Variants in TCF12 observed in about 807,000 individuals in gnomAD.
TCF12 encodes the protein DNA-binding protein HTF4.
TCF12 carries 45 observed loss-of-function variants against 86.0 expected under a neutral mutation model. That is an observed-to-expected ratio of 0.52 (90% CI 0.41 to 0.67). The LOEUF (loss-of-function observed/expected upper bound fraction) is 0.67, where lower values mean the gene tolerates loss of function less well. Among genes scored for constraint, TCF12 ranks in the 30% least tolerant of loss-of-function variants. TCF12 has a pLI of 0.00. For missense variants in TCF12, 881 were observed against 859.9 expected (o/e 1.02, Z -0.31); for synonymous variants, 330 against 299.6 (o/e 1.10, Z -1.05).
chr15:57,098,142 G>A (rs2733337), intron 5 of TCF12, among the ~76,000 whole-genome samples: 8,978 of 151,168 alleles, frequency 0.059, 609 homozygotes, highest in African/African-American at 0.17. Flanking sequence ...CCCAGATTGC[G>A]CCACTGCACT....
At chr15:57,254,980 G>T (rs2060284000) in intron 16 of TCF12, among the ~76,000 whole-genome samples, 1 of 151,998 alleles carries the variant, frequency 6.6e-6, no homozygotes, top group Non-Finnish European at 1.5e-5. Context: ...AAATGTGAAT[G>T]CAGAATAACT....
intron 3 of TCF12, among the ~76,000 whole-genome samples, chr15:56,965,875 A>T (rs1226055514): frequency 6.6e-6 from 1 of 152,208 alleles, no homozygotes; most frequent in Non-Finnish European, 1.5e-5. Flanking sequence ...TGATAGCATA[A>T]GTTATATTTA....
chr15:56,984,014 A>AAAAG (rs777234282), intron 3 of TCF12, among the ~76,000 whole-genome samples: 3 of 104,446 alleles, frequency 2.9e-5, no homozygotes, highest in East Asian at 3.4e-4. Context: ...AAAAAAAAAA[A>AAAAG]AAGAAGAAGA....
chr15:56,979,675 A>G (rs1463366964), intron 3 of TCF12, among the ~76,000 whole-genome samples: 1 of 152,172 alleles, frequency 6.6e-6, no homozygotes, highest in Non-Finnish European at 1.5e-5. Flanking sequence ...GATTTTTAGT[A>G]TTGCTTTCCT....
At chr15:57,026,511 T>G (rs2065833647) in intron 3 of TCF12, among the ~76,000 whole-genome samples, 1 of 152,192 alleles carries the variant, frequency 6.6e-6, no homozygotes, top group Non-Finnish European at 1.5e-5. Flanking sequence ...CTCCACAAAT[T>G]GTCTGTGCTT....
At chr15:57,171,741 A>G (rs866177502) in intron 6 of TCF12, among the ~76,000 whole-genome samples, 2 of 152,222 alleles carry the variant, frequency 1.3e-5, no homozygotes, top group Non-Finnish European at 2.9e-5. Flanking sequence ...ATTACTGGAA[A>G]CACTGATAGA....
At chr15:57,201,824 CT>C (rs1284658254) in intron 8 of TCF12, among the ~76,000 whole-genome samples, 1 of 152,040 alleles carries the variant, frequency 6.6e-6, no homozygotes, top group Non-Finnish European at 1.5e-5. Flanking sequence ...CAACTCTTGT[CT>C]TTGTTCTTTG....
intron 3 of TCF12, among the ~76,000 whole-genome samples, chr15:57,038,286 G>T (rs2066644000): frequency 6.6e-6 from 1 of 151,984 alleles, no homozygotes; most frequent in Non-Finnish European, 1.5e-5. Context: ...AAAATTGCTG[G>T]ACATGAGGGT....
intron 3 of TCF12, among the ~76,000 whole-genome samples, chr15:57,025,439 T>C (rs2065769951): frequency 6.6e-6 from 1 of 152,074 alleles, no homozygotes; most frequent in Non-Finnish European, 1.5e-5. Context: ...CCTGCTTGCG[T>C]TTTCACATTT....
chr15:56,946,036 T>G (rs2060979670), intron 3 of TCF12, among the ~76,000 whole-genome samples: 1 of 152,214 alleles, frequency 6.6e-6, no homozygotes, highest in Admixed American at 6.5e-5. Flanking sequence ...AAGACATTTC[T>G]TTTCTTTATA....
chr15:57,169,551 AAAAT>A (rs1377690260), intron 6 of TCF12, among the ~76,000 whole-genome samples: 17 of 152,234 alleles, frequency 1.1e-4, no homozygotes, highest in South Asian at 2.1e-4. Flanking sequence ...AACATTTCAA[AAAAT>A]AAATAAATAA....
At chr15:57,170,674 T>TAA (rs376492287) in intron 6 of TCF12, among the ~76,000 whole-genome samples, 2 of 11,352 alleles carry the variant, frequency 1.8e-4, no homozygotes, top group African/African-American at 1.2e-3. Context: ...TATATATATA[T>TAA]AATATATTAT....
chr15:57,032,951 A>G (rs2066291177), intron 3 of TCF12, among the ~76,000 whole-genome samples: 1 of 152,228 alleles, frequency 6.6e-6, no homozygotes. Context: ...ACATTTCTGC[A>G]ACAAATGTTA....
intron 6 of TCF12, among the ~76,000 whole-genome samples, chr15:57,180,344 A>G (rs1308107668): frequency 2.0e-5 from 3 of 152,148 alleles, no homozygotes; most frequent in African/African-American, 7.2e-5. Flanking sequence ...AAACACAATG[A>G]TTTTTCGAAA....
chr15:57,000,526 GAAACTAGACAAAAGATTGA>G (rs2063965190), intron 3 of TCF12, among the ~76,000 whole-genome samples: 1 of 152,144 alleles, frequency 6.6e-6, no homozygotes, highest in South Asian at 2.1e-4. Context: ...ATTGAATGTA[GAAACTAGACAAAAGATTGA>G]AAATTAATCA....
chr15:56,989,752 C>T (rs893261725), intron 3 of TCF12, among the ~76,000 whole-genome samples: 5 of 152,094 alleles, frequency 3.3e-5, no homozygotes, highest in Non-Finnish European at 7.4e-5. Context: ...TATTAACTGA[C>T]CTTTAAAGTG....
chr15:56,918,139 C>A (rs2140137624), upstream of TCF12: 1 of 451,128 alleles, frequency 2.2e-6, no homozygotes, highest in Non-Finnish European at 4.5e-6. Context: ...GCGGTGTCTG[C>A]GCCGACTGCA....
At chr15:57,182,330 AATATC>A (rs1430075499) in intron 6 of TCF12, among the ~76,000 whole-genome samples, 1 of 152,136 alleles carries the variant, frequency 6.6e-6, no homozygotes, top group African/African-American at 2.4e-5. Context: ...TTAGTGTTAG[AATATC>A]AAAATCTTAG....
At chr15:57,134,815 T>C (rs1371492353) in intron 5 of TCF12, among the ~76,000 whole-genome samples, 1 of 152,092 alleles carries the variant, frequency 6.6e-6, no homozygotes, top group Non-Finnish European at 1.5e-5. Flanking sequence ...AGGTTGGAGC[T>C]TACTGTAATT....
Sources: allele counts gnomAD v4.1 joint callset (sites outside exome capture counted in the v4.1 genomes callset), GRCh38; gene constraint gnomAD v4.1.1; transcripts MANE v1.5; gene names NCBI Gene and HGNC (gene_info 2026-07-23, HGNC 2026-07-21).